IDE: variants seen among roughly 807,000 people sequenced by gnomAD.
The protein encoded by IDE is insulin-degrading enzyme.
IDE carries 58 observed loss-of-function variants against 133.2 expected under a neutral mutation model. That is an observed-to-expected ratio of 0.44 (90% CI 0.35 to 0.54). IDE has a LOEUF of 0.54. IDE is among the 20% of genes least tolerant of loss of function. IDE has a pLI of 0.00. For missense variants in IDE, 981 were observed against 1,234.0 expected (o/e 0.79, Z 3.07); for synonymous variants, 396 against 421.3 (o/e 0.94, Z 0.73).
intron 10 of IDE, 94 bp from the exon 11 acceptor site, chr10:92,504,991 C>T: frequency 5.0e-6 from 3 of 598,064 alleles, no homozygotes; most frequent in South Asian, 2.5e-5. Flanking sequence ...CATTACTGTA[C>T]ACCCTTTCTC....
chr10:92,531,876 C>A lies in IDE; in HGVS notation c.533G>T (p.Cys178Phe). The A allele has an allele frequency of 1.3e-6, 2 of 1,571,636 alleles. No homozygotes were observed. The highest frequency in any genetic ancestry group is 1.7e-6 in the Non-Finnish European group (2 of 1,154,818). The change falls in exon 4 of 25, where the codon TGC (cysteine) becomes TTC (phenylalanine). Residue 178 changes from cysteine (C) to phenylalanine (F), a missense_variant. By Grantham distance (205) the Cys-to-Phe change is radical. Transcript: ENST00000265986. Reference sequence around the variant, plus strand: ...AACTGCATTCACCTCTCTGTCTTTGCAACTTTCATCGAACAAGGGGCACAG... The same window carrying A: ...AACTGCATTCACCTCTCTGTCTTTGAAACTTTCATCGAACAAGGGGCACAG... ...FFLCPLFDES[C>F]KDREVNAVDS... is the part of the protein sequence containing the mutation.
At chr10:92,538,618 T>C (rs1842137841) in intron 1 of IDE, among the ~76,000 whole-genome samples, 1 of 152,216 alleles carries the variant, frequency 6.6e-6, no homozygotes, top group South Asian at 2.1e-4. Context: ...CTACAAAGGC[T>C]AGATTACAGT....
chr10:92,474,968 A>C lies in IDE; in HGVS notation c.1996-7T>G. 2.5e-6 allele frequency: 4 copies of C among 1,592,826 alleles called. No homozygotes were observed. Among genetic ancestry groups the C allele is most frequent in the Non-Finnish European group, 3.4e-6 (4 of 1,172,564 alleles). ...TGTTAAGAGATCGCATATACTAGTG[A>C]AAGAGACATGCGTTCATTAATTTTA... On this transcript the variant is annotated splice_region_variant and splice_polypyrimidine_tract_variant and intron_variant, in intron 16 of 24. Coordinates refer to ENST00000265986, the MANE Select transcript of IDE (RefSeq NM_004969.4).
chr10:92,479,229 A>T, intron 15 of IDE, 48 bp downstream of exon 15: 1 of 1,416,968 alleles, frequency 7.1e-7, no homozygotes, highest in African/African-American at 1.4e-5. Flanking sequence ...CATCAAATCA[A>T]TATAAAAAAT....
intron 17 of IDE, among the ~76,000 whole-genome samples, chr10:92,472,989 C>T (rs1191949455): frequency 1.1e-4 from 17 of 148,012 alleles, no homozygotes; most frequent in Non-Finnish European, 2.1e-4. Context: ...GTCGCCCAGG[C>T]TGGAGTGCAG....
At chr10:92,462,209 G>A (rs1206053950) in intron 21 of IDE, among the ~76,000 whole-genome samples, 1 of 151,534 alleles carries the variant, frequency 6.6e-6, no homozygotes, top group Non-Finnish European at 1.5e-5. Context: ...CTAGCTACTC[G>A]GGAGAGGCTG....
At chr10:92,540,045 C>T (rs541000576) in intron 1 of IDE, among the ~76,000 whole-genome samples, 1 of 152,094 alleles carries the variant, frequency 6.6e-6, no homozygotes, top group South Asian at 2.1e-4. Flanking sequence ...AGTCTGAGAC[C>T]AGCCTGGTCA....
chr10:92,483,189 A>G (rs1846723970), intron 14 of IDE, 66 bp downstream of exon 14: 2 of 780,400 alleles, frequency 2.6e-6, no homozygotes, highest in South Asian at 1.6e-5. Context: ...TAAGAAGAAC[A>G]GACAACTCCT....
chr10:92,567,769 T>A (rs1316087984), intron 1 of IDE, among the ~76,000 whole-genome samples: 1 of 152,024 alleles, frequency 6.6e-6, no homozygotes, highest in Non-Finnish European at 1.5e-5. Flanking sequence ...AAGCCAGGAG[T>A]TAGAGATCAG....
chr10:92,455,436 G>A (rs535991154), intron 24 of IDE, 140 bp downstream of exon 24: 63 of 606,376 alleles, frequency 1.0e-4, no homozygotes, highest in African/African-American at 5.5e-4. Context: ...AGCTGAGATC[G>A]CACCACTGCA....
chr10:92,477,030 C>T (rs1846293607), intron 15 of IDE, among the ~76,000 whole-genome samples: 1 of 152,088 alleles, frequency 6.6e-6, no homozygotes, highest in Admixed American at 6.5e-5. Flanking sequence ...GCCACCGTGC[C>T]AGGCAGGATC....
rs546591295 is a variant in IDE, at chr10:92,495,822, A to T, written c.1431-5227T>A. Reference sequence around the variant, plus strand: ...AAAATCATACTTAAATAGTGATAGGAAAGCTAAAGTGCTAAAGGAATTGAG... The same window carrying T: ...AAAATCATACTTAAATAGTGATAGGTAAGCTAAAGTGCTAAAGGAATTGAG... On this transcript the variant is annotated intron_variant, in intron 11 of 24. Coordinates refer to ENST00000265986, the MANE Select transcript of IDE (RefSeq NM_004969.4). Among the ~76,000 whole-genome samples the T allele has an allele frequency of 4.2e-4, 64 of 152,302 alleles. No homozygotes were observed. The Middle Eastern group carries it at 0.01, about 24-fold the overall frequency.
At chr10:92,484,740 AAAAG>A (rs1036678721) in intron 13 of IDE, among the ~76,000 whole-genome samples, 23 of 152,052 alleles carry the variant, frequency 1.5e-4, no homozygotes, top group Admixed American at 1.0e-3. Context: ...CTCAAAAAAA[AAAAG>A]AAAGAAAGAA....
intron 4 of IDE, among the ~76,000 whole-genome samples, chr10:92,529,309 CAG>C (rs1230185507): frequency 2.0e-5 from 3 of 152,146 alleles, no homozygotes; most frequent in Admixed American, 2.0e-4. Context: ...TAAAAATACA[CAG>C]AACTTCTACT....
chr10:92,534,873 C>A (rs1841911415), intron 2 of IDE, 88 bp from the exon 3 acceptor site: 3 of 851,900 alleles, frequency 3.5e-6, no homozygotes, highest in South Asian at 3.1e-5. Flanking sequence ...GTTAGCATGA[C>A]AACTCCAACT....
intron 1 of IDE, among the ~76,000 whole-genome samples, chr10:92,569,859 G>A (rs779604679): frequency 5.9e-5 from 9 of 152,118 alleles, no homozygotes; most frequent in South Asian, 2.1e-4. Context: ...CCTGTAATCC[G>A]AGCACTTTGG....
chr10:92,552,629 C>T (rs1338627137), intron 1 of IDE, among the ~76,000 whole-genome samples: 2 of 151,324 alleles, frequency 1.3e-5, no homozygotes, highest in African/African-American at 4.9e-5. Context: ...GAGGCTGAGG[C>T]GAGCAGATCA....
intron 4 of IDE, among the ~76,000 whole-genome samples, chr10:92,523,863 G>A (rs1056334714): frequency 6.6e-6 from 1 of 151,934 alleles, no homozygotes; most frequent in African/African-American, 2.4e-5. Context: ...CCTCCCAGCT[G>A]AATAAACCCA....
In IDE at chr10:92,515,236, G is replaced by T. The variant is rs145142516; in HGVS notation, c.662-194C>A. Among the ~76,000 whole-genome samples the T allele has an allele frequency of 8.7e-4, 132 of 151,294 alleles. 1 individual carries two copies. The highest frequency in any genetic ancestry group is 3.1e-3 in the African/African-American group (129 of 41,278). ...CAAACCAGCAACATTTTAAACTATA[G>T]TCGTCTCTACGGAATTAAAAGTGTC... On this transcript the variant is annotated intron_variant, in intron 4 of 24. Transcript: ENST00000265986.
Sources: allele counts gnomAD v4.1 joint callset (sites outside exome capture counted in the v4.1 genomes callset), GRCh38; gene constraint gnomAD v4.1.1; transcripts MANE v1.5; gene names NCBI Gene and HGNC (gene_info 2026-07-23, HGNC 2026-07-21).